MLLT3: variants seen among roughly 807,000 people sequenced by gnomAD.
MLLT3 encodes the protein protein AF-9.
MLLT3 carries 4 observed loss-of-function variants against 53.2 expected under a neutral mutation model. The ratio of observed to expected loss-of-function variants is 0.08; its 90% CI spans 0.04 to 0.17. The LOEUF (loss-of-function observed/expected upper bound fraction) is 0.17, where lower values mean the gene tolerates loss of function less well. Among genes scored for constraint, MLLT3 ranks in the 10% least tolerant of loss-of-function variants. The pLI, the probability that MLLT3 is intolerant of heterozygous loss-of-function variation, is 1.00. For synonymous variants in MLLT3, 283 were observed against 230.6 expected (o/e 1.23, Z -2.06); for missense variants, 569 against 684.0 (o/e 0.83, Z 1.87).
At chr9:20,549,201 T>C (rs1287312083) in intron 2 of MLLT3, among the ~76,000 whole-genome samples, 2 of 152,120 alleles carry the variant, frequency 1.3e-5, no homozygotes, top group Non-Finnish European at 2.9e-5. Context: ...GCCACTCAAA[T>C]CACTGATTAA....
intron 2 of MLLT3, among the ~76,000 whole-genome samples, chr9:20,541,813 A>T (rs1158069327): frequency 6.6e-6 from 1 of 152,184 alleles, no homozygotes; most frequent in South Asian, 2.1e-4. Context: ...AAATTCAGTC[A>T]TATCTTCAGG....
At chr9:20,430,958 A>T (rs952440914) in intron 4 of MLLT3, among the ~76,000 whole-genome samples, 7 of 152,180 alleles carry the variant, frequency 4.6e-5, no homozygotes, top group African/African-American at 7.2e-5. Flanking sequence ...GGCCAATGAA[A>T]TATATGTTCA....
intron 5 of MLLT3, among the ~76,000 whole-genome samples, chr9:20,400,849 G>A (rs948093820): frequency 2.6e-5 from 4 of 152,120 alleles, no homozygotes; most frequent in Non-Finnish European, 5.9e-5. Context: ...TATTTTGAAA[G>A]TGACCCATAA....
At chr9:20,498,324 A>G (rs959028723) in intron 2 of MLLT3, among the ~76,000 whole-genome samples, 1 of 140,828 alleles carries the variant, frequency 7.1e-6, no homozygotes, top group Non-Finnish European at 1.5e-5. Flanking sequence ...TTTAAATTTT[A>G]GCCATTCTAC....
intron 2 of MLLT3, among the ~76,000 whole-genome samples, chr9:20,513,811 G>T (rs1817828048): frequency 6.6e-6 from 1 of 152,178 alleles, no homozygotes; most frequent in Non-Finnish European, 1.5e-5. Flanking sequence ...TGTGAAACAA[G>T]TTACACCTAG....
chr9:20,512,154 G>A (rs541976103), intron 2 of MLLT3, among the ~76,000 whole-genome samples: 3 of 152,150 alleles, frequency 2.0e-5, no homozygotes, highest in Non-Finnish European at 2.9e-5. Context: ...ACTCATTCTT[G>A]ATATGCCTCC....
intron 2 of MLLT3, among the ~76,000 whole-genome samples, chr9:20,565,950 A>ATT (rs1563820455): frequency 1.3e-4 from 1 of 7,586 alleles, no homozygotes; most frequent in South Asian, 4.5e-3. Flanking sequence ...ATATATATAT[A>ATT]TATTTATATA....
chr9:20,511,739 CAT>C (rs1315745774), intron 2 of MLLT3, among the ~76,000 whole-genome samples: 2 of 152,044 alleles, frequency 1.3e-5, no homozygotes, highest in Non-Finnish European at 2.9e-5. Context: ...CACAGATACA[CAT>C]ACATACATAC....
chr9:20,481,733 G>C (rs1269814514), intron 2 of MLLT3, among the ~76,000 whole-genome samples: 1 of 152,132 alleles, frequency 6.6e-6, no homozygotes, highest in Non-Finnish European at 1.5e-5. Flanking sequence ...CCACTTCTTA[G>C]GAATGGAGCA....
chr9:20,400,973 A>G (rs1158047769), intron 5 of MLLT3, among the ~76,000 whole-genome samples: 1 of 152,182 alleles, frequency 6.6e-6, no homozygotes, highest in Non-Finnish European at 1.5e-5. Flanking sequence ...AGGAGATAGG[A>G]AGAACAACTC....
At chr9:20,546,108 CAG>C (rs1365665939) in intron 2 of MLLT3, among the ~76,000 whole-genome samples, 1 of 151,958 alleles carries the variant, frequency 6.6e-6, no homozygotes, top group Non-Finnish European at 1.5e-5. Flanking sequence ...ATATTATTTC[CAG>C]ATGATTTTTA....
intron 2 of MLLT3, among the ~76,000 whole-genome samples, chr9:20,474,124 C>G (rs1236046752): frequency 6.6e-6 from 1 of 152,080 alleles, no homozygotes; most frequent in Non-Finnish European, 1.5e-5. Context: ...CTCTTGGCTC[C>G]TAAACTTATG....
chr9:20,379,797 G>A (rs1171247213), intron 5 of MLLT3, among the ~76,000 whole-genome samples: 2 of 151,938 alleles, frequency 1.3e-5, no homozygotes, highest in Non-Finnish European at 2.9e-5. Context: ...CTAAACAGAA[G>A]TTTCAGTAAT....
chr9:20,413,916 A>G lies in MLLT3; in HGVS notation c.930T>C (p.Phe310=), dbSNP rs766285063. 1 of 1,613,528 alleles carries G rather than the reference A, an allele frequency of 6.2e-7. No homozygotes were observed. Among genetic ancestry groups the G allele is most frequent in the Non-Finnish European group, 8.5e-7 (1 of 1,179,898 alleles). ...KSSSEALFKS[F]SSAPPLILTC... ...TGAGTATCAGTGGTGGTGCGCTAGA[A>G]AAACTTTTAAATAAAGCCTCTGAGC... Residue 310 remains phenylalanine (F), a synonymous_variant, in exon 5 of 11, where the codon TTT becomes TTC. Coordinates refer to ENST00000380338, the MANE Select transcript of MLLT3 (RefSeq NM_004529.4).
At chr9:20,598,264 T>C (rs1010414472) in intron 2 of MLLT3, among the ~76,000 whole-genome samples, 1 of 152,254 alleles carries the variant, frequency 6.6e-6, no homozygotes, top group Non-Finnish European at 1.5e-5. Flanking sequence ...TGTGCTCATC[T>C]TCAATCTCTA....
At position 20,621,966 on chromosome 9, in the gene MLLT3, G is replaced by A. The variant is rs368276158; in HGVS notation, c.12+279C>T. On this transcript the variant is annotated intron_variant, in intron 1 of 10. Transcript: ENST00000380338. This position sits in a 1 kb window ranked among gnomAD's most constrained non-coding sequence, Gnocchi z 7.0. The stretch of plus-strand genomic sequence containing the variant: ...GAGGGAGTGTGTGAGTGCGCTTCTT[G>A]TGACTGCAAAGAGGCGAGGAGGGAG... The A allele has an allele frequency of 8.1e-5, 113 of 1,399,848 alleles. 5 individuals are homozygous for A. In the South Asian group the frequency reaches 1.4e-3, roughly 18 times the overall value. The allele number at this position is 1,399,848 out of a possible 1,614,324, so 86.7% of individuals were successfully genotyped here. A position where few individuals can be genotyped will look rare whatever the true frequency, so the allele number is the denominator to read the frequency against.
intron 4 of MLLT3, among the ~76,000 whole-genome samples, chr9:20,429,511 T>C (rs572543818): frequency 7.9e-5 from 12 of 152,214 alleles, no homozygotes; most frequent in African/African-American, 2.6e-4. Flanking sequence ...GCAAAAATTT[T>C]TGAATAGAAT....
At chr9:20,582,896 T>C (rs961269093) in intron 2 of MLLT3, among the ~76,000 whole-genome samples, 3 of 152,112 alleles carry the variant, frequency 2.0e-5, no homozygotes, top group African/African-American at 7.2e-5. Flanking sequence ...AACTATATCA[T>C]TCCACCCCTG....
chr9:20,460,895 T>C lies in MLLT3; in HGVS notation c.194-4109A>G, dbSNP rs138796422. ...AGTGTTGCCACAGAGGAAATTTTTCTTGAGTACTGTGGAACTGGTCCTAGT... is the reference window on the plus strand; with the variant it reads ...AGTGTTGCCACAGAGGAAATTTTTCCTGAGTACTGTGGAACTGGTCCTAGT... On this transcript the variant is annotated intron_variant, in intron 2 of 10. Transcript: ENST00000380338. Among the ~76,000 whole-genome samples, 390 of 152,312 alleles carry C rather than the reference T, an allele frequency of 2.6e-3. 1 individual carries two copies. The highest frequency in any genetic ancestry group is 8.3e-3 in the African/African-American group (347 of 41,570).
Sources: gnomAD v4.1 joint callset for allele counts (sites outside exome capture counted in the v4.1 genomes callset) on GRCh38, gnomAD v4.1.1 for gene constraint, Gnocchi (gnomAD v3.1) non-coding constraint, MANE v1.5 for transcripts, NCBI Gene and HGNC (gene_info 2026-07-23, HGNC 2026-07-21) for gene names.